Variants in RPS6KA2 observed in about 807,000 individuals in gnomAD.
The protein encoded by RPS6KA2 is ribosomal protein S6 kinase alpha-2.
In RPS6KA2, 42 loss-of-function variants were observed where a neutral mutation model predicts 91.8. That is an observed-to-expected ratio of 0.46 (90% CI 0.36 to 0.59). RPS6KA2 has a LOEUF of 0.59. Ranked by LOEUF, RPS6KA2 falls within the 20% of genes least tolerant of loss-of-function variation. The pLI is 0.00. For missense variants in RPS6KA2, 798 were observed against 978.5 expected (o/e 0.82, Z 2.46); for synonymous variants, 414 against 393.6 (o/e 1.05, Z -0.61).
intron 3 of RPS6KA2, among the ~76,000 whole-genome samples, chr6:166,516,522 C>T (rs930777539): frequency 6.6e-6 from 1 of 152,214 alleles, no homozygotes; most frequent in Non-Finnish European, 1.5e-5. Flanking sequence ...CTCTGAGCTG[C>T]CTGCTGGCAT....
chr6:166,810,179 G>T (rs556214154), intron 2 of RPS6KA2, among the ~76,000 whole-genome samples: 1 of 152,278 alleles, frequency 6.6e-6, no homozygotes, highest in South Asian at 2.1e-4. Flanking sequence ...CAGCATGAGG[G>T]AAAGCACTCC....
chr6:166,495,777 G>A lies in RPS6KA2; in HGVS notation c.747+2731C>T, dbSNP rs1301752439. ...AGACGTTAGAGCAGTGGCAAGCCAG[G>A]AGTGCTGAGAAGACACCGAAGCCAG... On this transcript the variant is annotated intron_variant, in intron 8 of 20. Transcript: ENST00000265678. This position sits in a 1 kb window ranked among gnomAD's most constrained non-coding sequence, Gnocchi z 4.4. Among the ~76,000 whole-genome samples, 1 of 152,218 alleles carries A rather than the reference G, an allele frequency of 6.6e-6. No individual in the cohort carries two copies. The highest frequency in any genetic ancestry group is 1.9e-4 in the East Asian group (1 of 5,200).
chr6:166,783,906 C>T (rs75360898), intron 2 of RPS6KA2, among the ~76,000 whole-genome samples: 6 of 53,926 alleles, frequency 1.1e-4, no homozygotes, highest in Non-Finnish European at 1.7e-4. Flanking sequence ...TGCACACCTA[C>T]GCATCACCAC....
Position 166,466,881 on chromosome 6 carries a change from C to CCCTT in RPS6KA2, c.972+2959_972+2960insAAGG, listed in dbSNP as rs531515249. On this transcript the variant is annotated intron_variant, in intron 11 of 20. Coordinates refer to ENST00000265678, the MANE Select transcript of RPS6KA2 (RefSeq NM_021135.6). Reference sequence around the variant, plus strand: ...TGACTCCCTTACTCATTCACTCACTCACTCATTCACTCACTCCCTCATTCA... The same window carrying CCCTT: ...TGACTCCCTTACTCATTCACTCACTCCCTTACTCATTCACTCACTCCCTCATTCA... Among the ~76,000 whole-genome samples, 57 of 38,426 alleles carry CCCTT rather than the reference C, an allele frequency of 1.5e-3. No individual in the cohort carries two copies. The African/African-American group carries it at 0.017, about 11-fold the overall frequency. The allele number at this position is 38,426 out of a possible 152,430, so 25.2% of individuals were successfully genotyped here. A position where few individuals can be genotyped will look rare whatever the true frequency, so the allele number is the denominator to read the frequency against.
intron 20 of RPS6KA2, 148 bp downstream of exon 20, chr6:166,413,646 G>A (rs1471329525): frequency 8.2e-6 from 6 of 728,754 alleles, no homozygotes; most frequent in African/African-American, 1.8e-5. Context: ...TGAAGTGCAC[G>A]AAGGTAGGTG....
chr6:166,637,714 G>T (rs1330106716), intron 2 of RPS6KA2, among the ~76,000 whole-genome samples: 1 of 152,254 alleles, frequency 6.6e-6, no homozygotes, highest in Non-Finnish European at 1.5e-5. Flanking sequence ...CCCACTGGTG[G>T]ACATTGAAAT....
intron 11 of RPS6KA2, among the ~76,000 whole-genome samples, chr6:166,464,176 A>G (rs1479525766): frequency 6.6e-6 from 1 of 152,166 alleles, no homozygotes; most frequent in African/African-American, 2.4e-5. Context: ...TGTGGGCAAG[A>G]AGACCAAAGT....
intron 2 of RPS6KA2, among the ~76,000 whole-genome samples, chr6:166,751,604 G>A (rs999734510): frequency 5.9e-5 from 9 of 152,376 alleles, no homozygotes; most frequent in Middle Eastern, 3.4e-3. Flanking sequence ...CACTGGAGCC[G>A]TGGAAAGAGG....
intron 2 of RPS6KA2, among the ~76,000 whole-genome samples, chr6:166,750,662 G>A (rs1339189999): frequency 1.3e-5 from 2 of 152,226 alleles, no homozygotes; most frequent in Admixed American, 1.3e-4. Flanking sequence ...CATCCCTTGT[G>A]CCTAGAACAT....
Position 166,783,832 on chromosome 6 carries a change from G to T in RPS6KA2, c.123+74368C>A, listed in dbSNP as rs1214121989. Among the ~76,000 whole-genome samples the T allele has an allele frequency of 8.1e-5, 6 of 74,414 alleles. No homozygotes were observed. In the East Asian group the frequency reaches 3.2e-3, roughly 40 times the overall value. The allele number at this position is 74,414 out of a possible 152,430, so 48.8% of individuals were successfully genotyped here. A position where few individuals can be genotyped will look rare whatever the true frequency, so the allele number is the denominator to read the frequency against. On this transcript the variant is annotated intron_variant, in intron 2 of 21. Transcript: ENST00000503859. ...GTTACCTGTAACCACATATGCACAC[G>T]TGCACACCTATCTATACCACATATG...
intron 2 of RPS6KA2, among the ~76,000 whole-genome samples, chr6:166,775,724 C>T (rs1211322297): frequency 1.3e-5 from 2 of 152,198 alleles, no homozygotes; most frequent in African/African-American, 2.4e-5. Context: ...GGGCTGCAGC[C>T]CGGGGATCTT....
At chr6:166,855,459 A>G (rs28731236) in intron 2 of RPS6KA2, among the ~76,000 whole-genome samples, 84,626 of 142,708 alleles carry the variant, frequency 0.59, 28,433 homozygotes, top group Non-Finnish European at 0.75. Flanking sequence ...AGGAAGAAGA[A>G]GAGGAAGAGG....
intron 14 of RPS6KA2, among the ~76,000 whole-genome samples, chr6:166,447,731 T>A (rs1779724509): frequency 6.6e-6 from 1 of 152,146 alleles, no homozygotes; most frequent in South Asian, 2.1e-4. Context: ...TTGATGAAAA[T>A]TACTCTTTTT....
chr6:166,467,579 A>T (rs1447105609), intron 11 of RPS6KA2, among the ~76,000 whole-genome samples: 2 of 152,184 alleles, frequency 1.3e-5, no homozygotes, highest in Admixed American at 6.5e-5. Flanking sequence ...AGACTTGGGC[A>T]GGAGGGGCCC....
chr6:166,800,963 A>G (rs1021477986), intron 2 of RPS6KA2, among the ~76,000 whole-genome samples: 1 of 152,242 alleles, frequency 6.6e-6, no homozygotes, highest in African/African-American at 2.4e-5. Context: ...CTTCTACTCT[A>G]CAATAAGAAT....
chr6:166,545,252 G>T lies in RPS6KA2; in HGVS notation c.100-6468C>A, dbSNP rs184620033. ...GCAGAATCCGCGGAGGGAAAGCAAT[G>T]TGCAGGAACAGGGCTGGGCTCTGTT... On this transcript the variant is annotated intron_variant, in intron 1 of 20. Transcript: ENST00000265678. Among the ~76,000 whole-genome samples the T allele has an allele frequency of 1.4e-3, 216 of 152,322 alleles. 1 individual carries two copies. The highest frequency in any genetic ancestry group is 5.0e-3 in the African/African-American group (206 of 41,576).
intron 2 of RPS6KA2, among the ~76,000 whole-genome samples, chr6:166,813,996 AAAT>A: frequency 6.6e-6 from 1 of 152,370 alleles, no homozygotes; most frequent in Middle Eastern, 3.4e-3. Flanking sequence ...GGCAAACACT[AAAT>A]AAATACTTAT....
chr6:166,509,196 T>A (rs537169429), intron 4 of RPS6KA2, among the ~76,000 whole-genome samples: 166 of 152,340 alleles, frequency 1.1e-3, no homozygotes, highest in African/African-American at 3.0e-3. Flanking sequence ...GTGCATTAAA[T>A]GCTCCATCCT....
intron 2 of RPS6KA2, among the ~76,000 whole-genome samples, chr6:166,697,316 A>C (rs1789387930): frequency 6.6e-6 from 1 of 152,230 alleles, no homozygotes; most frequent in Admixed American, 6.5e-5. Flanking sequence ...TTGACCACAA[A>C]TCAAGTAGGC....
Sources: allele counts gnomAD v4.1 joint callset (sites outside exome capture counted in the v4.1 genomes callset), GRCh38; gene constraint gnomAD v4.1.1; non-coding constraint Gnocchi (gnomAD v3.1); transcripts MANE v1.5; gene names NCBI Gene and HGNC (gene_info 2026-07-23, HGNC 2026-07-21).